The following UBE2E2 variants were observed in gnomAD, a reference collection of about 807,000 sequenced individuals.
The protein encoded by UBE2E2 is ubiquitin-conjugating enzyme E2 E2.
UBE2E2 carries 6 observed loss-of-function variants against 24.7 expected under a neutral mutation model. The observed-to-expected ratio is 0.24, with a 90% CI of 0.13 to 0.48. UBE2E2 has a LOEUF of 0.48. Among genes scored for constraint, UBE2E2 ranks in the 20% least tolerant of loss-of-function variants. The pLI is 0.99. For missense variants in UBE2E2, 169 were observed against 245.0 expected, an observed-to-expected ratio of 0.69 and a Z score of 2.07; for synonymous variants, 104 against 83.6, an observed-to-expected ratio of 1.24 and a Z score of -1.33.
At chr3:23,359,273 T>A (rs138878454) in intron 3 of UBE2E2, among the ~76,000 whole-genome samples, 1 of 152,326 alleles carries the variant, frequency 6.6e-6, no homozygotes, top group African/African-American at 2.4e-5. Context: ...TCTTTATTGC[T>A]AACATCTCCT....
At chr3:23,266,266 A>C (rs1331301267) in intron 3 of UBE2E2, among the ~76,000 whole-genome samples, 1 of 151,834 alleles carries the variant, frequency 6.6e-6, no homozygotes, top group East Asian at 1.9e-4. Flanking sequence ...ATTTGGCATG[A>C]TTTTGCAGTG....
chr3:23,554,619 C>T (rs767924587), intron 5 of UBE2E2, among the ~76,000 whole-genome samples: 1 of 152,138 alleles, frequency 6.6e-6, no homozygotes, highest in Non-Finnish European at 1.5e-5. Context: ...AGCCATAAAA[C>T]TCCTCGAAGA....
intron 3 of UBE2E2, among the ~76,000 whole-genome samples, chr3:23,348,806 G>A (rs1021873605): frequency 3.6e-5 from 5 of 138,312 alleles, no homozygotes; most frequent in Non-Finnish European, 7.9e-5. Flanking sequence ...GTTTCTCTGG[G>A]TATGGCCTGC....
At chr3:23,328,032 G>T (rs1694950554) in intron 3 of UBE2E2, among the ~76,000 whole-genome samples, 1 of 149,558 alleles carries the variant, frequency 6.7e-6, no homozygotes, top group South Asian at 2.2e-4. Context: ...TACTTATGTT[G>T]TCTTATTACC....
chr3:23,424,511 A>G (rs1422890712), intron 3 of UBE2E2, among the ~76,000 whole-genome samples: 2 of 151,800 alleles, frequency 1.3e-5, no homozygotes, highest in Middle Eastern at 3.2e-3. Context: ...TGCTAAGGAT[A>G]AAATGTAGAA....
intron 3 of UBE2E2, among the ~76,000 whole-genome samples, chr3:23,294,104 A>T (rs1698841972): frequency 6.6e-6 from 1 of 152,234 alleles, no homozygotes; most frequent in African/African-American, 2.4e-5. Flanking sequence ...ACTGAATAAA[A>T]ATGTTAAGAA....
chr3:23,231,595 T>G (rs1404029243), intron 3 of UBE2E2, among the ~76,000 whole-genome samples: 1 of 152,230 alleles, frequency 6.6e-6, no homozygotes, highest in Non-Finnish European at 1.5e-5. Context: ...CAAATTCAAT[T>G]CTGACACTCT....
At chr3:23,414,826 G>A (rs1575614040) in intron 3 of UBE2E2, among the ~76,000 whole-genome samples, 1 of 152,218 alleles carries the variant, frequency 6.6e-6, no homozygotes, top group Non-Finnish European at 1.5e-5. Context: ...GAACACGTAA[G>A]GTGCCATCTG....
chr3:23,419,980 A>T (rs1015258683), intron 3 of UBE2E2, among the ~76,000 whole-genome samples: 1 of 152,172 alleles, frequency 6.6e-6, no homozygotes, highest in Non-Finnish European at 1.5e-5. Flanking sequence ...AATGCCTACT[A>T]CTGGTGGGCT....
At chr3:23,354,424 C>G (rs1695872567) in intron 3 of UBE2E2, among the ~76,000 whole-genome samples, 1 of 152,160 alleles carries the variant, frequency 6.6e-6, no homozygotes, top group Non-Finnish European at 1.5e-5. Flanking sequence ...GCAAAAGAAA[C>G]TACCATCAGA....
chr3:23,268,782 A>G (rs914526452), intron 3 of UBE2E2, among the ~76,000 whole-genome samples: 28 of 149,252 alleles, frequency 1.9e-4, no homozygotes, highest in African/African-American at 7.0e-4. Flanking sequence ...TGGAGGCATC[A>G]CGCTACCTGA....
intron 3 of UBE2E2, among the ~76,000 whole-genome samples, chr3:23,226,987 A>G (rs1696844391): frequency 6.6e-6 from 1 of 151,964 alleles, no homozygotes; most frequent in Admixed American, 6.6e-5. Flanking sequence ...AAAAAAAAAA[A>G]AAGGCAGTGG....
chr3:23,497,300 C>G (rs1010178668), intron 3 of UBE2E2, among the ~76,000 whole-genome samples: 4 of 152,162 alleles, frequency 2.6e-5, no homozygotes, highest in African/African-American at 9.7e-5. Context: ...TGCACAAACA[C>G]AATGAAAAAT....
At chr3:23,451,986 T>A (rs1486685197) in intron 3 of UBE2E2, among the ~76,000 whole-genome samples, 1 of 152,214 alleles carries the variant, frequency 6.6e-6, no homozygotes, top group Admixed American at 6.6e-5. Flanking sequence ...TTACTGGAAA[T>A]TAAATTATAG....
chr3:23,491,302 C>G (rs1440793471), intron 3 of UBE2E2, among the ~76,000 whole-genome samples: 3 of 152,332 alleles, frequency 2.0e-5, no homozygotes, highest in African/African-American at 7.2e-5. Flanking sequence ...TGCCTTTTCA[C>G]TGTCAGTATA....
At chr3:23,492,255 G>A (rs887480719) in intron 3 of UBE2E2, among the ~76,000 whole-genome samples, 36 of 152,196 alleles carry the variant, frequency 2.4e-4, no homozygotes, top group African/African-American at 8.4e-4. Context: ...GCAATATATA[G>A]TTTGAATGTG....
At position 23,591,237 on chromosome 3, in the gene UBE2E2, A is replaced by G. The variant is rs1166816436; in HGVS notation, c.*1406A>G. The G allele has an allele frequency of 6.6e-6, 1 of 152,246 alleles. No individual in the cohort carries two copies. Among genetic ancestry groups the G allele is most frequent in the East Asian group, 1.9e-4 (1 of 5,204 alleles). 9.4% of individuals were successfully genotyped at this position (152,246 alleles called of 1,614,324 possible). Reference sequence around the variant, plus strand: ...TGGAAACTCCTACTCCTGCTGCACCATACAGTTACAGACCCTACCATACTC... The same window carrying G: ...TGGAAACTCCTACTCCTGCTGCACCGTACAGTTACAGACCCTACCATACTC... On this transcript the variant is annotated 3_prime_UTR_variant, in exon 6 of 6. Coordinates refer to ENST00000396703, the MANE Select transcript of UBE2E2 (RefSeq NM_152653.4).
At chr3:23,299,806 G>T (rs950364591) in intron 3 of UBE2E2, among the ~76,000 whole-genome samples, 1 of 152,116 alleles carries the variant, frequency 6.6e-6, no homozygotes, top group African/African-American at 2.4e-5. Flanking sequence ...AGGTCCACTT[G>T]GTGCAGAGCT....
intron 3 of UBE2E2, among the ~76,000 whole-genome samples, chr3:23,494,212 T>C (rs1699557015): frequency 6.6e-6 from 1 of 152,206 alleles, no homozygotes; most frequent in Non-Finnish European, 1.5e-5. Flanking sequence ...TTCTCACTTC[T>C]TGATTCATGA....
Sources: allele counts gnomAD v4.1 joint callset (sites outside exome capture counted in the v4.1 genomes callset), GRCh38; gene constraint gnomAD v4.1.1; transcripts MANE v1.5; gene names NCBI Gene and HGNC (gene_info 2026-07-23, HGNC 2026-07-21).